UBE2E2: variants seen among roughly 807,000 people sequenced by gnomAD.
The protein encoded by UBE2E2 is ubiquitin conjugating enzyme E2 E2.
A neutral mutation model predicts 24.7 loss-of-function variants in UBE2E2; 6 were observed. The observed-to-expected ratio is 0.24, with a 90% CI of 0.13 to 0.48. The LOEUF (loss-of-function observed/expected upper bound fraction) is 0.48, where lower values mean the gene tolerates loss of function less well. Ranked by LOEUF, UBE2E2 falls within the 20% of genes least tolerant of loss-of-function variation. The pLI is 0.99. For missense variants in UBE2E2, 169 were observed against 245.0 expected (o/e 0.69, Z 2.07); for synonymous variants, 104 against 83.6 (o/e 1.24, Z -1.33).
At chr3:23,277,658 C>T (rs905863404) in intron 3 of UBE2E2, among the ~76,000 whole-genome samples, 1 of 152,024 alleles carries the variant, frequency 6.6e-6, no homozygotes, top group Admixed American at 6.6e-5. Flanking sequence ...AATTTTAATT[C>T]TTCCATTAAC....
intron 3 of UBE2E2, among the ~76,000 whole-genome samples, chr3:23,416,483 A>C (rs1217019319): frequency 1.3e-5 from 2 of 151,644 alleles, no homozygotes; most frequent in Admixed American, 1.3e-4. Flanking sequence ...TGCCCTTAAC[A>C]TTTTTTTCTT....
intron 3 of UBE2E2, among the ~76,000 whole-genome samples, chr3:23,498,703 G>A (rs992534230): frequency 6.6e-6 from 1 of 152,072 alleles, no homozygotes; most frequent in African/African-American, 2.4e-5. Flanking sequence ...TTTTCTAGGG[G>A]CCAGGTGTGG....
At chr3:23,343,122 A>G (rs1336292792) in intron 3 of UBE2E2, among the ~76,000 whole-genome samples, 1 of 152,112 alleles carries the variant, frequency 6.6e-6, no homozygotes, top group Non-Finnish European at 1.5e-5. Flanking sequence ...GTGAATGCAT[A>G]CATATACAAA....
At chr3:23,363,356 A>G (rs1696172692) in intron 3 of UBE2E2, among the ~76,000 whole-genome samples, 1 of 152,246 alleles carries the variant, frequency 6.6e-6, no homozygotes, top group Non-Finnish European at 1.5e-5. Flanking sequence ...ACAGAATGAC[A>G]GCTTGGATAA....
At chr3:23,401,825 G>T (rs1697229363) in intron 3 of UBE2E2, among the ~76,000 whole-genome samples, 1 of 148,594 alleles carries the variant, frequency 6.7e-6, no homozygotes, top group East Asian at 2.0e-4. Context: ...GGGACTACAG[G>T]CATGCACCAC....
Position 23,267,698 on chromosome 3 carries a change from C to G in UBE2E2, c.227+50386C>G, listed in dbSNP as rs1031877621. Among the ~76,000 whole-genome samples, 6 of 152,142 alleles carry G rather than the reference C, an allele frequency of 3.9e-5. No individual in the cohort carries two copies. In the South Asian group the frequency reaches 6.2e-4, roughly 16 times the overall value. On this transcript the variant is annotated intron_variant, in intron 3 of 5. Coordinates refer to ENST00000396703, the MANE Select transcript of UBE2E2 (RefSeq NM_152653.4). ...GAAAAAGAGGGAATCCTCCCTAACT[C>G]ATTTTATAAGGCCAGCATCATCCTG...
At chr3:23,265,138 T>C (rs963767251) in intron 3 of UBE2E2, among the ~76,000 whole-genome samples, 4 of 152,152 alleles carry the variant, frequency 2.6e-5, no homozygotes, top group Admixed American at 1.3e-4. Flanking sequence ...GTTTAAGGAA[T>C]TGAAGAGGCT....
chr3:23,314,432 A>ATTATTATT (rs1694514023), intron 3 of UBE2E2, among the ~76,000 whole-genome samples: 1 of 151,956 alleles, frequency 6.6e-6, no homozygotes, highest in Admixed American at 6.6e-5. Flanking sequence ...GGCCCGCCAT[A>ATTATTATT]GTTATTATTT....
chr3:23,320,544 A>G (rs1353204333), intron 3 of UBE2E2, among the ~76,000 whole-genome samples: 1 of 152,188 alleles, frequency 6.6e-6, no homozygotes, highest in Admixed American at 6.5e-5. Flanking sequence ...CTTTGCCTCT[A>G]TAGATTTGTC....
chr3:23,230,882 A>T (rs1030025956), intron 3 of UBE2E2, among the ~76,000 whole-genome samples: 1 of 152,036 alleles, frequency 6.6e-6, no homozygotes, highest in Non-Finnish European at 1.5e-5. Context: ...GAGCCTTAAC[A>T]TTCTTTATTA....
chr3:23,446,325 G>A (rs1181036431), intron 3 of UBE2E2, among the ~76,000 whole-genome samples: 1 of 152,184 alleles, frequency 6.6e-6, no homozygotes, highest in South Asian at 2.1e-4. Context: ...TTGGCAGTGT[G>A]TGCCCATAAC....
At chr3:23,307,676 A>C (rs761139891) in intron 3 of UBE2E2, among the ~76,000 whole-genome samples, 4 of 152,202 alleles carry the variant, frequency 2.6e-5, no homozygotes, top group Non-Finnish European at 4.4e-5. Flanking sequence ...TTTTATATTG[A>C]TATAGATCCC....
chr3:23,396,184 A>G (rs1480333722), intron 3 of UBE2E2, among the ~76,000 whole-genome samples: 1 of 151,144 alleles, frequency 6.6e-6, no homozygotes, highest in Non-Finnish European at 1.5e-5. Flanking sequence ...GCAGAACTTA[A>G]TTTTGCCTAT....
At chr3:23,523,512 C>T (rs1413338769) in intron 4 of UBE2E2, among the ~76,000 whole-genome samples, 1 of 150,540 alleles carries the variant, frequency 6.6e-6, no homozygotes, top group East Asian at 2.0e-4. Context: ...TTAGTATTCA[C>T]AGCTGGATAG....
At chr3:23,393,953 C>A (rs1697012193) in intron 3 of UBE2E2, among the ~76,000 whole-genome samples, 1 of 152,182 alleles carries the variant, frequency 6.6e-6, no homozygotes, top group Non-Finnish European at 1.5e-5. Flanking sequence ...GTACACAAGG[C>A]TGAAAATTCT....
At chr3:23,426,148 G>A (rs1697919541) in intron 3 of UBE2E2, among the ~76,000 whole-genome samples, 1 of 152,052 alleles carries the variant, frequency 6.6e-6, no homozygotes, top group Non-Finnish European at 1.5e-5. Context: ...CACAGCTGAG[G>A]AAAGAATCTA....
Position 23,343,365 on chromosome 3 carries a change from G to A in UBE2E2, c.227+126053G>A, listed in dbSNP as rs1695456191. Among the ~76,000 whole-genome samples the A allele has an allele frequency of 1.3e-5, 2 of 152,096 alleles. 1 individual carries two copies. The highest frequency in any genetic ancestry group is 4.2e-4 in the South Asian group (2 of 4,804). On this transcript the variant is annotated intron_variant, in intron 3 of 5. Coordinates refer to ENST00000396703, the MANE Select transcript of UBE2E2 (RefSeq NM_152653.4). ...CTGAGGCAGGTGGATCACCTGAGGT[G>A]AGGAGTTCAACACCAGCCTGGCCAA...
intron 3 of UBE2E2, among the ~76,000 whole-genome samples, chr3:23,265,875 G>C (rs1436063985): frequency 6.6e-6 from 1 of 152,170 alleles, no homozygotes; most frequent in East Asian, 1.9e-4. Context: ...TCTTCTTGTT[G>C]AATTGATCCC....
intron 5 of UBE2E2, among the ~76,000 whole-genome samples, chr3:23,566,434 A>G (rs1696073883): frequency 6.6e-6 from 1 of 152,206 alleles, no homozygotes; most frequent in Non-Finnish European, 1.5e-5. Flanking sequence ...CAGCCTGAAG[A>G]CAGACACTCC....
Sources: gnomAD v4.1 joint callset for allele counts (sites outside exome capture counted in the v4.1 genomes callset) on GRCh38, gnomAD v4.1.1 for gene constraint, MANE v1.5 for transcripts, NCBI Gene and HGNC (gene_info 2026-07-23, HGNC 2026-07-21) for gene names.